Variants in PSMA1 observed in about 807,000 individuals in gnomAD.
The protein encoded by PSMA1 is proteasome 20S subunit alpha 1, also known as proteasome subunit alpha type-1.
In PSMA1, 3 loss-of-function variants were observed where a neutral mutation model predicts 38.4. The ratio of observed to expected loss-of-function variants is 0.08; its 90% CI spans 0.04 to 0.20. The LOEUF (loss-of-function observed/expected upper bound fraction) is 0.20, where lower values mean the gene tolerates loss of function less well. Among genes scored for constraint, PSMA1 ranks in the 10% least tolerant of loss-of-function variants. PSMA1 has a pLI of 1.00. For synonymous variants in PSMA1, 101 were observed against 107.1 expected (o/e 0.94, Z 0.35); for missense variants, 227 against 325.3 (o/e 0.70, Z 2.32).
intron 2 of PSMA1, among the ~76,000 whole-genome samples, chr11:14,593,613 T>TGAGAGAGAGAGAGA (rs59225796): frequency 5.3e-4 from 52 of 98,990 alleles, no homozygotes; most frequent in Non-Finnish European, 7.5e-4. Context: ...GGAGGAAAAA[T>TGAGAGAGAGAGAGA]GAGAGAGAGA....
At chr11:14,560,030 G>A (rs1851990955) in intron 2 of PSMA1, among the ~76,000 whole-genome samples, 1 of 152,200 alleles carries the variant, frequency 6.6e-6, no homozygotes, top group Non-Finnish European at 1.5e-5. Flanking sequence ...CCTGGGCATG[G>A]ACTAGTTATT....
At chr11:14,528,790 A>G (rs1011086781) in intron 2 of PSMA1, among the ~76,000 whole-genome samples, 2 of 152,130 alleles carry the variant, frequency 1.3e-5, no homozygotes, top group African/African-American at 4.8e-5. Flanking sequence ...TAACTGATCA[A>G]TGTACTTTGT....
At chr11:14,519,557 G>A (rs1851492205) in intron 1 of PSMA1, among the ~76,000 whole-genome samples, 1 of 152,094 alleles carries the variant, frequency 6.6e-6, no homozygotes, top group South Asian at 2.1e-4. Flanking sequence ...CTGTAGTTAT[G>A]CCTGTACAAG....
chr11:14,611,276 A>G (rs1255918002), intron 1 of PSMA1: 1 of 382,990 alleles, frequency 2.6e-6, no homozygotes, highest in Admixed American at 4.4e-5. Context: ...GATACAGGCC[A>G]GGAGAGTTAC....
At chr11:14,519,229 A>T in intron 1 of PSMA1, 188 bp from the exon 2 acceptor site, 2 of 651,956 alleles carry the variant, frequency 3.1e-6, no homozygotes, top group East Asian at 6.3e-5. Flanking sequence ...CTCGTGGGAG[A>T]GGGAGAAGCA....
chr11:14,597,529 C>A (rs966338788), intron 2 of PSMA1, among the ~76,000 whole-genome samples: 1 of 152,144 alleles, frequency 6.6e-6, no homozygotes, highest in Non-Finnish European at 1.5e-5. Flanking sequence ...AGTTTATTTG[C>A]GTAGAGGTGT....
chr11:14,578,062 C>A (rs1311330054), intron 2 of PSMA1, among the ~76,000 whole-genome samples: 1 of 127,252 alleles, frequency 7.9e-6, no homozygotes, highest in Non-Finnish European at 1.6e-5. Context: ...CATCACACAC[C>A]GGGGCCTGTT....
chr11:14,550,271 T>A (rs1240020555), intron 2 of PSMA1, among the ~76,000 whole-genome samples: 1 of 152,210 alleles, frequency 6.6e-6, no homozygotes, highest in Non-Finnish European at 1.5e-5. Flanking sequence ...TCAAAAATAC[T>A]GAAGGAAATC....
At chr11:14,622,954 TTGGTGAATTAC>T (rs2133712305) in intron 1 of PSMA1, among the ~76,000 whole-genome samples, 1 of 152,350 alleles carries the variant, frequency 6.6e-6, no homozygotes, top group Admixed American at 6.5e-5. Flanking sequence ...GAAAAAGCTC[TTGGTGAATTAC>T]TGGGACTGGT....
intron 4 of PSMA1, among the ~76,000 whole-genome samples, chr11:14,515,708 C>T (rs1002724022): frequency 4.0e-5 from 6 of 151,698 alleles, no homozygotes; most frequent in African/African-American, 1.2e-4. Context: ...TGCCTGCCAC[C>T]ACGTTCAGCT....
Position 14,570,433 on chromosome 11 carries a change from T to C in PSMA1, c.21+40533A>G, listed in dbSNP as rs374056880. On this transcript the variant is annotated intron_variant, in intron 2 of 10. Transcript: ENST00000418988. ...CAACCTTCTCCAAGCTAAAGGAGGA[T>C]GTTCAAACCCATTGCAAAGAAGCTA... Among the ~76,000 whole-genome samples, 129 of 152,274 alleles carry C rather than the reference T, an allele frequency of 8.5e-4. 4 individuals carry two copies. In the South Asian group the frequency reaches 0.025, roughly 29 times the overall value.
At chr11:14,613,802 T>A (rs958065909) in intron 1 of PSMA1, among the ~76,000 whole-genome samples, 1 of 152,206 alleles carries the variant, frequency 6.6e-6, no homozygotes, top group Non-Finnish European at 1.5e-5. Context: ...CAGGCAGTTG[T>A]CTAAATAATT....
chr11:14,588,258 A>ATGAGGGAAAGAAGAATTTGGGC (rs1852372153), intron 2 of PSMA1, among the ~76,000 whole-genome samples: 1 of 152,258 alleles, frequency 6.6e-6, no homozygotes, highest in Non-Finnish European at 1.5e-5. Flanking sequence ...CAGGCAAAGA[A>ATGAGGGAAAGAAGAATTTGGGC]TGAGGGAAAG....
chr11:14,582,279 T>C (rs933044416), intron 2 of PSMA1, among the ~76,000 whole-genome samples: 6 of 152,170 alleles, frequency 3.9e-5, no homozygotes, highest in Admixed American at 1.3e-4. Context: ...CTTAGATCGA[T>C]TTAGACAATT....
intron 2 of PSMA1, among the ~76,000 whole-genome samples, chr11:14,536,834 C>T (rs1851715122): frequency 6.6e-6 from 1 of 152,128 alleles, no homozygotes; most frequent in Admixed American, 6.5e-5. Context: ...CCAGGATGGT[C>T]TCAATCTCCT....
At chr11:14,508,414 A>C (rs1288137880) in intron 8 of PSMA1, among the ~76,000 whole-genome samples, 1 of 151,988 alleles carries the variant, frequency 6.6e-6, no homozygotes, top group Non-Finnish European at 1.5e-5. Flanking sequence ...CATTGTTCTA[A>C]CAATTTTCTC....
intron 2 of PSMA1, among the ~76,000 whole-genome samples, chr11:14,592,376 CTA>C (rs71044013): frequency 1.2e-4 from 15 of 122,382 alleles, no homozygotes; most frequent in South Asian, 7.7e-4. Flanking sequence ...CTCTCTCTCT[CTA>C]TATATATATA....
chr11:14,519,356 C>T (rs960522444), intron 1 of PSMA1: 3 of 407,038 alleles, frequency 7.4e-6, no homozygotes, highest in Non-Finnish European at 1.4e-5. Context: ...GCTTATGCTG[C>T]TCCCTTTTAT....
chr11:14,505,181 T>TG lies in PSMA1; in HGVS notation c.*10dup. 1.9e-6 allele frequency: 3 copies of TG among 1,606,876 alleles called. No homozygotes were observed. Among genetic ancestry groups the TG allele is most frequent in the Non-Finnish European group, 2.6e-6 (3 of 1,173,430 alleles). On this transcript the variant is annotated 3_prime_UTR_variant, in exon 10 of 10. Coordinates refer to ENST00000396394, the MANE Select transcript of PSMA1 (RefSeq NM_002786.4). ...CATATTTGATAATACATATATAGAC[T>TG]GGCTTATCACTTAATGTTCCATTGG...
Sources: gnomAD v4.1 joint callset for allele counts (sites outside exome capture counted in the v4.1 genomes callset) on GRCh38, gnomAD v4.1.1 for gene constraint, MANE v1.5 for transcripts, NCBI Gene and HGNC (gene_info 2026-07-23, HGNC 2026-07-21) for gene names.